Variants in C1orf21 observed in about 807,000 individuals in gnomAD.
C1orf21 encodes uncharacterized protein C1orf21.
C1orf21 carries 3 observed loss-of-function variants against 18.7 expected under a neutral mutation model. That is an observed-to-expected ratio of 0.16 (90% CI 0.07 to 0.42). The LOEUF is 0.42. C1orf21 is among the 10% of genes least tolerant of loss of function. C1orf21 has a pLI of 0.99. For missense variants in C1orf21, 104 were observed against 143.6 expected (o/e 0.72, Z 1.41); for synonymous variants, 41 against 46.4 (o/e 0.88, Z 0.47).
intron 2 of C1orf21, among the ~76,000 whole-genome samples, chr1:184,496,995 A>G (rs932277731): frequency 1.3e-5 from 2 of 152,202 alleles, no homozygotes; most frequent in African/African-American, 2.4e-5. Context: ...CATGAGGACC[A>G]CCTCTGCATC....
At chr1:184,464,854 G>A (rs1286678654) in intron 1 of C1orf21, among the ~76,000 whole-genome samples, 1 of 152,124 alleles carries the variant, frequency 6.6e-6, no homozygotes, top group Non-Finnish European at 1.5e-5. Flanking sequence ...GGCAACAGCG[G>A]GTCAACAGGG....
chr1:184,589,341 T>C (rs765980044), intron 3 of C1orf21, among the ~76,000 whole-genome samples: 5 of 152,348 alleles, frequency 3.3e-5, no homozygotes, highest in East Asian at 3.9e-4. Context: ...TAAAAACACG[T>C]GAATGACTTT....
chr1:184,397,543 G>A (rs1190252989), intron 1 of C1orf21, among the ~76,000 whole-genome samples: 5 of 151,774 alleles, frequency 3.3e-5, no homozygotes, highest in East Asian at 3.9e-4. Flanking sequence ...CCAAGATCGC[G>A]CTACTGCACT....
Position 184,410,663 on chromosome 1 carries a change from ATTTTTT to A in C1orf21, c.-125+23308_-125+23313del, listed in dbSNP as rs71297843. 2.6e-4 allele frequency among the ~76,000 whole-genome samples: 2 copies of A among 7,678 alleles called. 1 individual carries two copies. Among genetic ancestry groups the A allele is most frequent in the African/African-American group, 2.8e-3 (2 of 720 alleles). The allele number at this position is 7,678 out of a possible 152,430, so 5.0% of individuals were successfully genotyped here. A position where few individuals can be genotyped will look rare whatever the true frequency, so the allele number is the denominator to read the frequency against. On this transcript the variant is annotated intron_variant, in intron 1 of 5. Transcript: ENST00000235307. ...TATATATATATATATATATATATAT[ATTTTTT>A]TTTTTTTTTTTTGAGATGGAGTTTC...
chr1:184,445,780 G>A (rs2101977105), intron 1 of C1orf21, among the ~76,000 whole-genome samples: 1 of 152,252 alleles, frequency 6.6e-6, no homozygotes, highest in East Asian at 1.9e-4. Context: ...TAAAATGAAA[G>A]TTTTAGTTCC....
chr1:184,530,476 A>C (rs529363284), intron 3 of C1orf21, among the ~76,000 whole-genome samples: 6 of 152,246 alleles, frequency 3.9e-5, no homozygotes, highest in Non-Finnish European at 4.4e-5. Context: ...CTTTGGACCA[A>C]ATAACTTTAC....
At chr1:184,392,511 G>A (rs1377419273) in intron 1 of C1orf21, among the ~76,000 whole-genome samples, 1 of 152,144 alleles carries the variant, frequency 6.6e-6, no homozygotes, top group Non-Finnish European at 1.5e-5. Flanking sequence ...TTTGGGTGAT[G>A]GGTACACTAA....
At chr1:184,410,617 TTATATATATATATA>T (rs1162356586) in intron 1 of C1orf21, among the ~76,000 whole-genome samples, 11 of 21,162 alleles carry the variant, frequency 5.2e-4, no homozygotes, top group East Asian at 1.7e-3. Context: ...GCCATATATA[TTATATATATATATA>T]TATATATATA....
At chr1:184,449,451 G>A (rs965743007) in intron 1 of C1orf21, among the ~76,000 whole-genome samples, 2 of 152,102 alleles carry the variant, frequency 1.3e-5, no homozygotes, top group Non-Finnish European at 1.5e-5. Flanking sequence ...GCCTATCATT[G>A]TTGAACATTT....
At chr1:184,589,539 G>A (rs1344086642) in intron 3 of C1orf21, among the ~76,000 whole-genome samples, 3 of 152,116 alleles carry the variant, frequency 2.0e-5, no homozygotes, top group African/African-American at 4.8e-5. Context: ...CCTGACATAC[G>A]TCAACAGACA....
At chr1:184,572,917 C>T (rs958268409) in intron 3 of C1orf21, among the ~76,000 whole-genome samples, 1 of 149,738 alleles carries the variant, frequency 6.7e-6, no homozygotes, top group Admixed American at 6.7e-5. Context: ...CGCCACTGTA[C>T]TCTAGCCTGG....
At chr1:184,446,178 A>G (rs1173362134) in intron 1 of C1orf21, among the ~76,000 whole-genome samples, 1 of 152,142 alleles carries the variant, frequency 6.6e-6, no homozygotes, top group Admixed American at 6.5e-5. Flanking sequence ...GTCAGTTATT[A>G]TCTCAAATGC....
In C1orf21 at chr1:184,417,994, A is replaced by G. The variant is rs552322757; in HGVS notation, c.-125+30626A>G. 2.6e-5 allele frequency among the ~76,000 whole-genome samples: 4 copies of G among 152,300 alleles called. No individual in the cohort carries two copies. The East Asian group carries it at 7.7e-4, about 29-fold the overall frequency. On this transcript the variant is annotated intron_variant, in intron 1 of 5. Coordinates refer to ENST00000235307, the MANE Select transcript of C1orf21 (RefSeq NM_030806.4). Reference sequence around the variant, plus strand: ...AGGAGTTGGTTAAGGTGGTGATGGTAGCCTCTGAGTGGGCATTCCCACCCT... The same window carrying G: ...AGGAGTTGGTTAAGGTGGTGATGGTGGCCTCTGAGTGGGCATTCCCACCCT...
intron 5 of C1orf21, among the ~76,000 whole-genome samples, chr1:184,614,372 A>G (rs1401100812): frequency 6.6e-6 from 1 of 152,222 alleles, no homozygotes; most frequent in Non-Finnish European, 1.5e-5. Flanking sequence ...CTCCAGTGGG[A>G]GAATACTCAG....
At chr1:184,524,420 A>G (rs960428243) in intron 3 of C1orf21, among the ~76,000 whole-genome samples, 7 of 152,152 alleles carry the variant, frequency 4.6e-5, no homozygotes, top group Admixed American at 3.3e-4. Flanking sequence ...CCTTACTTAG[A>G]TAAGTTGACT....
At chr1:184,610,721 G>T (rs1205492736) in intron 5 of C1orf21, among the ~76,000 whole-genome samples, 3 of 151,982 alleles carry the variant, frequency 2.0e-5, no homozygotes, top group East Asian at 1.9e-4. Context: ...GGTGGCAGGC[G>T]CCTGTAGTCC....
intron 3 of C1orf21, among the ~76,000 whole-genome samples, chr1:184,576,394 G>C (rs1343447218): frequency 6.6e-6 from 1 of 152,200 alleles, no homozygotes; most frequent in Non-Finnish European, 1.5e-5. Flanking sequence ...CAAAGTGCTG[G>C]GATTACAGGC....
intron 1 of C1orf21, among the ~76,000 whole-genome samples, chr1:184,462,451 C>T (rs950929176): frequency 2.0e-5 from 3 of 151,982 alleles, no homozygotes; most frequent in African/African-American, 7.3e-5. Context: ...ATGAGCCAAA[C>T]CTGACTTGAG....
chr1:184,476,933 G>A (rs1657580728), intron 1 of C1orf21, among the ~76,000 whole-genome samples: 1 of 152,132 alleles, frequency 6.6e-6, no homozygotes, highest in East Asian at 1.9e-4. Flanking sequence ...TGAGGAGCTG[G>A]GAGGGCTGGC....
Sources: allele counts gnomAD v4.1 joint callset (sites outside exome capture counted in the v4.1 genomes callset), GRCh38; gene constraint gnomAD v4.1.1; transcripts MANE v1.5; gene names NCBI Gene and HGNC (gene_info 2026-07-23, HGNC 2026-07-21).